Variants in VPS8 observed in about 807,000 individuals in gnomAD.
VPS8 encodes vacuolar protein sorting-associated protein 8 homolog.
VPS8 carries 129 observed loss-of-function variants against 216.4 expected under a neutral mutation model. The ratio of observed to expected loss-of-function variants is 0.60; its 90% CI spans 0.52 to 0.69. The LOEUF (loss-of-function observed/expected upper bound fraction) is 0.69, where lower values mean the gene tolerates loss of function less well. Among genes scored for constraint, VPS8 ranks in the 30% least tolerant of loss-of-function variants. VPS8 has a pLI of 0.00. For missense variants in VPS8, 1,531 were observed against 1,683.5 expected, an observed-to-expected ratio of 0.91 and a Z score of 1.59; for synonymous variants, 571 against 565.4, an observed-to-expected ratio of 1.01 and a Z score of -0.14.
At position 184,878,586 on chromosome 3, in the gene VPS8, C is replaced by T. The variant is rs190818107; in HGVS notation, c.1735-7524C>T. ...CAGTGACTACAAGCCAAACACAGAG[C>T]GAGGCAGTAGGAGCTTTCCTTGTCT... On this transcript the variant is annotated intron_variant, in intron 21 of 47. Transcript: ENST00000625842. Among the ~76,000 whole-genome samples the T allele has an allele frequency of 2.0e-4, 31 of 152,198 alleles. 1 individual carries two copies. The highest frequency in any genetic ancestry group is 1.6e-3 in the Admixed American group (24 of 15,284).
chr3:185,018,106 G>C (rs937848053), intron 45 of VPS8, among the ~76,000 whole-genome samples: 15 of 152,172 alleles, frequency 9.9e-5, no homozygotes, highest in Non-Finnish European at 1.9e-4. Context: ...TAGCAGAGTA[G>C]CCTTATGCAG....
intron 36 of VPS8, among the ~76,000 whole-genome samples, chr3:184,956,225 C>T (rs1398734379): frequency 2.0e-5 from 3 of 152,148 alleles, no homozygotes; most frequent in Non-Finnish European, 4.4e-5. Flanking sequence ...ATCACAAAAT[C>T]CAAATTGTTC....
chr3:184,888,976 A>G (rs965951322), intron 22 of VPS8, among the ~76,000 whole-genome samples: 14 of 152,226 alleles, frequency 9.2e-5, no homozygotes, highest in African/African-American at 2.4e-4. Context: ...CAGTTGTAAG[A>G]TGAAAGATTA....
At chr3:184,947,221 CAG>C (rs1413365063) in intron 36 of VPS8, among the ~76,000 whole-genome samples, 11 of 152,248 alleles carry the variant, frequency 7.2e-5, no homozygotes, top group African/African-American at 2.6e-4. Context: ...GAGGCGGGAG[CAG>C]AGAGTTCCCC....
At chr3:184,893,750 A>G (rs1732813622) in intron 22 of VPS8, among the ~76,000 whole-genome samples, 1 of 152,226 alleles carries the variant, frequency 6.6e-6, no homozygotes, top group African/African-American at 2.4e-5. Flanking sequence ...AGCCCTTCAA[A>G]TGGGAAAGGC....
At position 184,826,258 on chromosome 3, in the gene VPS8, A is replaced by G. The variant is rs374180134; in HGVS notation, c.222+27A>G. 533 of 1,569,780 alleles carry G rather than the reference A, an allele frequency of 3.4e-4. 2 individuals carry two copies. Among genetic ancestry groups the G allele is most frequent in the African/African-American group, 8.1e-4 (60 of 73,762 alleles). ...TAAGTGAATATTAATGATTACTGTC[A>G]TTTTGTGTGTGGCATTCATCTTAAT... On this transcript the variant is annotated intron_variant, in intron 3 of 47. Transcript: ENST00000625842.
intron 44 of VPS8, among the ~76,000 whole-genome samples, chr3:184,998,833 C>G (rs1477177069): frequency 6.6e-6 from 1 of 151,768 alleles, no homozygotes; most frequent in South Asian, 2.1e-4. Context: ...GTGAGCAGAC[C>G]ACTCATGTTG....
chr3:184,886,738 C>T (rs1578080604), intron 22 of VPS8, among the ~76,000 whole-genome samples: 3 of 152,032 alleles, frequency 2.0e-5, no homozygotes, highest in Non-Finnish European at 4.4e-5. Flanking sequence ...CACTGCCACA[C>T]CCGGCTAATT....
At chr3:184,986,221 A>T (rs764822399) in intron 42 of VPS8, among the ~76,000 whole-genome samples, 1 of 152,224 alleles carries the variant, frequency 6.6e-6, no homozygotes, top group African/African-American at 2.4e-5. Flanking sequence ...GAAAGGAGGT[A>T]GGATTATTCT....
intron 25 of VPS8, among the ~76,000 whole-genome samples, chr3:184,904,970 T>C (rs1578173790): frequency 2.0e-5 from 3 of 152,306 alleles, no homozygotes; most frequent in Admixed American, 2.0e-4. Context: ...AAGTCCAAAA[T>C]CAAGGTGCTG....
At chr3:185,029,211 G>A (rs895775859) in intron 46 of VPS8, among the ~76,000 whole-genome samples, 2 of 152,214 alleles carry the variant, frequency 1.3e-5, no homozygotes, top group African/African-American at 4.8e-5. Context: ...TTGAGCTACA[G>A]TCTCTCTTCC....
intron 34 of VPS8, among the ~76,000 whole-genome samples, chr3:184,934,761 T>A (rs1173100584): frequency 6.6e-6 from 1 of 152,234 alleles, no homozygotes; most frequent in Non-Finnish European, 1.5e-5. Flanking sequence ...TTGCTGAATT[T>A]CATTTTTATT....
intron 25 of VPS8, among the ~76,000 whole-genome samples, chr3:184,911,920 A>G (rs1736607853): frequency 6.6e-6 from 1 of 152,218 alleles, no homozygotes; most frequent in African/African-American, 2.4e-5. Flanking sequence ...AGATAACACC[A>G]TAAAGCCTTC....
Position 184,996,430 on chromosome 3 carries a change from A to G in VPS8, c.3765A>G (p.Gln1255=), listed in dbSNP as rs1262038090. The change falls in exon 44 of 48, where the codon CAA becomes CAG. Residue 1255 remains glutamine, a synonymous_variant. Transcript: ENST00000625842. ...TCACCAGAGGACTGAATCCCAAACA[A>G]GATTACTGCTCTATATGTTTGCAGC... ...ASVTRGLNPK[Q]DYCSICLQQY... The G allele has an allele frequency of 6.2e-7, 1 of 1,613,930 alleles. No homozygotes were observed.
In VPS8 at chr3:184,999,691, T is replaced by C. The variant is rs1440275574; in HGVS notation, c.3837-5T>C. On this transcript the variant is annotated splice_region_variant and splice_polypyrimidine_tract_variant and intron_variant, in intron 44 of 47. Transcript: ENST00000625842. ...AAGTACAAATTGGTTGCCTTCGTTT[T>C]GCAGCTGTGGCCATTTGTATCACTC... 2.5e-6 allele frequency: 4 copies of C among 1,600,166 alleles called. No homozygotes were observed. Among genetic ancestry groups the C allele is most frequent in the African/African-American group, 2.7e-5 (2 of 74,036 alleles).
rs185078973 is a variant in VPS8, at chr3:184,990,479, T to C, written c.3586-3504T>C. On this transcript the variant is annotated intron_variant, in intron 42 of 47. Coordinates refer to ENST00000625842, the MANE Select transcript of VPS8 (RefSeq NM_001009921.3). The stretch of plus-strand genomic sequence containing the variant: ...TATTAGTTGACTCCCTCACCTAATG[T>C]CCTTCTATAGTTCTCACCAGTTTAC... Among the ~76,000 whole-genome samples, 4 of 152,368 alleles carry C rather than the reference T, an allele frequency of 2.6e-5. No homozygotes were observed. The East Asian group carries it at 5.8e-4, about 22-fold the overall frequency.
At chr3:185,047,776 G>C (rs974387691) in intron 46 of VPS8, among the ~76,000 whole-genome samples, 9 of 152,098 alleles carry the variant, frequency 5.9e-5, no homozygotes, top group Admixed American at 3.3e-4. Flanking sequence ...GAGGTGACTT[G>C]CCTAAAGTTA....
chr3:184,814,371 G>T (rs1465949488), intron 1 of VPS8, among the ~76,000 whole-genome samples: 1 of 152,160 alleles, frequency 6.6e-6, no homozygotes. Context: ...ACAGTCATGG[G>T]ACAGTTAGGG....
intron 39 of VPS8, among the ~76,000 whole-genome samples, chr3:184,967,858 T>A (rs1577012732): frequency 6.6e-6 from 1 of 150,754 alleles, no homozygotes; most frequent in Non-Finnish European, 1.5e-5. Flanking sequence ...AAAAAAAAAA[T>A]TAAATTATGG....
Sources: allele counts gnomAD v4.1 joint callset (sites outside exome capture counted in the v4.1 genomes callset), GRCh38; gene constraint gnomAD v4.1.1; transcripts MANE v1.5; gene names NCBI Gene and HGNC (gene_info 2026-07-23, HGNC 2026-07-21).